Variants in IL31RA observed in about 807,000 individuals in gnomAD.
The protein encoded by IL31RA is interleukin-31 receptor subunit alpha.
A neutral mutation model predicts 83.7 loss-of-function variants in IL31RA; 66 were observed. That is an observed-to-expected ratio of 0.79 (90% CI 0.65 to 0.97). The LOEUF is 0.97. IL31RA is among the 50% of genes least tolerant of loss of function. The pLI, the probability that IL31RA is intolerant of heterozygous loss-of-function variation, is 0.00. For synonymous variants in IL31RA, 325 were observed against 329.0 expected (o/e 0.99, Z 0.13); for missense variants, 798 against 919.4 (o/e 0.87, Z 1.71).
In IL31RA at chr5:55,903,332, G is replaced by C. The variant is rs1436700007; in HGVS notation, c.1070-2774G>C. Among the ~76,000 whole-genome samples the C allele has an allele frequency of 4.6e-5, 7 of 152,206 alleles. No homozygotes were observed. In the East Asian group the frequency reaches 1.2e-3, roughly 25 times the overall value. The stretch of plus-strand genomic sequence containing the variant: ...GTGACTGTCTTCATGCAGATCACAA[G>C]AAATCAATGGCTTTCACAGTCAAAG... On this transcript the variant is annotated intron_variant, in intron 8 of 14. Coordinates refer to ENST00000652347, the MANE Select transcript of IL31RA (RefSeq NM_139017.7). The surrounding 1 kb of genome is among the most constrained non-coding windows in gnomAD (Gnocchi z 4.7).
intron 14 of IL31RA, among the ~76,000 whole-genome samples, chr5:55,915,927 T>G (rs1053916948): frequency 6.6e-6 from 1 of 152,224 alleles, no homozygotes; most frequent in Non-Finnish European, 1.5e-5. Flanking sequence ...GTCCCTGCCA[T>G]GAGGCCACTT....
rs76581324 is a variant in IL31RA, at chr5:55,882,411, T to G, written c.455-633T>G. ...TTATTTAGCGTAATACCAATTTTGT[T>G]AGAAGATAATGCAAATAATTATACG... On this transcript the variant is annotated intron_variant, in intron 4 of 14. Coordinates refer to ENST00000652347, the MANE Select transcript of IL31RA (RefSeq NM_139017.7). 4.1e-3 allele frequency among the ~76,000 whole-genome samples: 621 copies of G among 152,332 alleles called. 5 individuals carry two copies. Among genetic ancestry groups the G allele is most frequent in the African/African-American group, 0.014 (597 of 41,568 alleles).
rs1745067215 is a variant in IL31RA, at chr5:55,851,504, CAT to C, written c.-66_-65del. 9.9e-6 allele frequency: 16 copies of C among 1,613,540 alleles called. No individual in the cohort carries two copies. Among genetic ancestry groups the C allele is most frequent in the African/African-American group, 5.3e-5 (4 of 74,868 alleles). ...TGGCACTAAATAGACCATGAAAAGA[CAT>C]GTGTGTGCAGTATGAAAATTGAGAC... is the stretch of plus-strand genomic sequence containing the variant. On this transcript the variant is annotated 5_prime_UTR_variant, in exon 1 of 15. It removes an upstream start codon present in the reference 5' UTR. Coordinates refer to ENST00000652347, the MANE Select transcript of IL31RA (RefSeq NM_139017.7).
intron 4 of IL31RA, among the ~76,000 whole-genome samples, chr5:55,880,120 A>G (rs1747108574): frequency 6.6e-6 from 1 of 152,144 alleles, no homozygotes; most frequent in African/African-American, 2.4e-5. Context: ...AAAATGATTC[A>G]CCTAAAAAAA....
intron 3 of IL31RA, among the ~76,000 whole-genome samples, chr5:55,869,135 T>A (rs1403533355): frequency 6.6e-6 from 1 of 152,144 alleles, no homozygotes; most frequent in Non-Finnish European, 1.5e-5. Flanking sequence ...CTGAGATGAG[T>A]CACCAGTTAT....
chr5:55,885,185 C>T (rs535223102), intron 5 of IL31RA, among the ~76,000 whole-genome samples: 22 of 152,248 alleles, frequency 1.4e-4, no homozygotes, highest in Middle Eastern at 3.4e-3. Context: ...TATCATGCGA[C>T]CCTTTCCCTT....
At chr5:55,856,980 T>C (rs1325605085) in intron 1 of IL31RA, among the ~76,000 whole-genome samples, 3 of 152,066 alleles carry the variant, frequency 2.0e-5, no homozygotes, top group Non-Finnish European at 4.4e-5. Context: ...TTGGCTGGAG[T>C]CCTGAATGAA....
In IL31RA at chr5:55,883,186, T is replaced by C; in HGVS notation, c.597T>C (p.Ser199=). The change falls in exon 5 of 15, where the codon AGT becomes AGC. Residue 199 remains serine (S), a synonymous_variant. Transcript: ENST00000652347. ...KYTLRFRTVN[S]TSWMEVNFAK... ...CACTTCGATTCAGGACAGTCAACAG[T>C]ACCAGCTGGGTAAGTTATGCCATTA... 2 of 1,613,132 alleles carry C rather than the reference T, an allele frequency of 1.2e-6. No homozygotes were observed. The highest frequency in any genetic ancestry group is 2.2e-5 in the East Asian group (1 of 44,870).
At chr5:55,847,976 G>A (rs1744974850), upstream of IL31RA, among the ~76,000 whole-genome samples, 1 of 152,172 alleles carries the variant, frequency 6.6e-6, no homozygotes, top group South Asian at 2.1e-4. Flanking sequence ...GGGCTTGTGG[G>A]TTTTTGGAAA....
chr5:55,881,576 T>G (rs1188844931), intron 4 of IL31RA, among the ~76,000 whole-genome samples: 2 of 152,062 alleles, frequency 1.3e-5, no homozygotes, highest in Non-Finnish European at 2.9e-5. Flanking sequence ...GCGCAGTGTA[T>G]TTACTGGAGT....
At chr5:55,916,566 CCCA>C in intron 14 of IL31RA, 75 bp from the exon 15 acceptor site, 1 of 1,258,204 alleles carries the variant, frequency 7.9e-7, no homozygotes. Flanking sequence ...CATTTGCTGT[CCCA>C]AGCCTAACGA....
At chr5:55,915,404 G>C (rs1018331580) in intron 14 of IL31RA, among the ~76,000 whole-genome samples, 8 of 152,192 alleles carry the variant, frequency 5.3e-5, no homozygotes, top group Non-Finnish European at 1.2e-4. Context: ...GGACGTCAGA[G>C]TCAGGCTTTA....
chr5:55,866,970 GCTT>G (rs1182817851), intron 2 of IL31RA, among the ~76,000 whole-genome samples: 1 of 99,894 alleles, frequency 1.0e-5, no homozygotes, highest in Admixed American at 8.8e-5. Flanking sequence ...AAAAATGCCT[GCTT>G]CTTAAGACTA....
chr5:55,844,882 A>G, the IL31RA span, among the ~76,000 whole-genome samples: 3 of 152,116 alleles, frequency 2.0e-5, no homozygotes, highest in Non-Finnish European at 4.4e-5. Context: ...TTCTTCAGCT[A>G]TGTCCAGTCT....
Position 55,868,869 on chromosome 5 carries a change from A to C in IL31RA, c.233A>C (p.Lys78Thr), listed in dbSNP as rs144974403. Residue 78 changes from lysine to threonine, a missense_variant, in exon 3 of 15, where the codon AAG (lysine) becomes ACG (threonine). Physicochemically the swap from Lys to Thr is moderately conservative, Grantham distance 78 (BLOSUM62 -1). Transcript: ENST00000652347. The stretch of plus-strand genomic sequence containing the variant: ...TTAACCTGCACTTGGAGTCCAGGAA[A>C]GGAAACCAGTTATACCCAGTACACA... ...KNLTCTWSPG[K>T]ETSYTQYTVK... 86 of 1,604,058 alleles carry C rather than the reference A, an allele frequency of 5.4e-5. No individual in the cohort carries two copies. Among genetic ancestry groups the C allele is most frequent in the Non-Finnish European group, 1.5e-5 (17 of 1,170,966 alleles).
At chr5:55,861,802 C>T (rs1278587910) in intron 2 of IL31RA, among the ~76,000 whole-genome samples, 1 of 152,198 alleles carries the variant, frequency 6.6e-6, no homozygotes, top group Non-Finnish European at 1.5e-5. Context: ...CATATACCAG[C>T]TCCTACAAAA....
the IL31RA span, among the ~76,000 whole-genome samples, chr5:55,845,154 T>C: frequency 1.3e-5 from 2 of 152,222 alleles, no homozygotes; most frequent in Non-Finnish European, 2.9e-5. Flanking sequence ...TTTTGCCTTT[T>C]AGTATGCCTT....
chr5:55,908,491 T>C (rs1462670807), intron 11 of IL31RA, 80 bp downstream of exon 11: 1 of 1,613,316 alleles, frequency 6.2e-7, no homozygotes, highest in East Asian at 2.2e-5. Context: ...TAGGCATGGC[T>C]CCCCCATCTC....
intron 2 of IL31RA, among the ~76,000 whole-genome samples, chr5:55,868,136 G>T (rs1050241588): frequency 6.6e-6 from 1 of 152,150 alleles, no homozygotes; most frequent in Non-Finnish European, 1.5e-5. Flanking sequence ...TCAACAGTAG[G>T]TTAGTGAAAA....
Sources: gnomAD v4.1 joint callset for allele counts (sites outside exome capture counted in the v4.1 genomes callset) on GRCh38, gnomAD v4.1.1 for gene constraint, Gnocchi (gnomAD v3.1) non-coding constraint, MANE v1.5 for transcripts, NCBI Gene and HGNC (gene_info 2026-07-23, HGNC 2026-07-21) for gene names.